The following STK38L variants were observed in gnomAD, a reference collection of about 807,000 sequenced individuals.
The protein encoded by STK38L is serine/threonine-protein kinase 38-like.
A neutral mutation model predicts 59.7 loss-of-function variants in STK38L; 28 were observed. The observed-to-expected ratio is 0.47, with a 90% CI of 0.35 to 0.64. STK38L has a LOEUF of 0.64. Ranked by LOEUF, STK38L falls within the 30% of genes least tolerant of loss-of-function variation. The pLI is 0.01. For synonymous variants in STK38L, 162 were observed against 176.8 expected (o/e 0.92, Z 0.66); for missense variants, 314 against 555.8 (o/e 0.56, Z 4.37).
chr12:27,260,451 A>G (rs1026990198), intron 1 of STK38L, among the ~76,000 whole-genome samples: 10 of 152,220 alleles, frequency 6.6e-5, no homozygotes, highest in Non-Finnish European at 1.5e-4. Context: ...TCTCATGGGC[A>G]TAATTCAGGA....
intron 1 of STK38L, among the ~76,000 whole-genome samples, chr12:27,268,790 G>C (rs1428092495): frequency 6.6e-6 from 1 of 152,098 alleles, no homozygotes; most frequent in Non-Finnish European, 1.5e-5. Context: ...GTTGTTTCCT[G>C]ACTTTTTAAT....
At chr12:27,253,693 G>A (rs1943025731) in intron 1 of STK38L, among the ~76,000 whole-genome samples, 1 of 152,184 alleles carries the variant, frequency 6.6e-6, no homozygotes, top group Non-Finnish European at 1.5e-5. Context: ...TTCCAAGGAT[G>A]TGTGAGTGTT....
chr12:27,266,030 GT>G (rs921078652), intron 1 of STK38L, among the ~76,000 whole-genome samples: 1 of 152,114 alleles, frequency 6.6e-6, no homozygotes, highest in African/African-American at 2.4e-5. Flanking sequence ...ACATTTTCCA[GT>G]TTGACTCCCT....
At chr12:27,319,575 G>T in intron 12 of STK38L, 152 bp downstream of exon 12, 1 of 531,662 alleles carries the variant, frequency 1.9e-6, no homozygotes, top group Non-Finnish European at 3.3e-6. Context: ...AAGTGAGTGG[G>T]ACTATTGTGG....
intron 1 of STK38L, among the ~76,000 whole-genome samples, chr12:27,268,710 G>C (rs1943353896): frequency 6.6e-6 from 1 of 152,240 alleles, no homozygotes; most frequent in East Asian, 1.9e-4. Flanking sequence ...TTCCACAATG[G>C]TTGAACTAGT....
At chr12:27,312,984 C>T (rs944709521) in intron 6 of STK38L, among the ~76,000 whole-genome samples, 30 of 152,084 alleles carry the variant, frequency 2.0e-4, no homozygotes, top group Admixed American at 4.6e-4. Flanking sequence ...CGCAGTGGCT[C>T]ACGCCTGTAA....
chr12:27,266,590 C>A (rs1321805877), intron 1 of STK38L, among the ~76,000 whole-genome samples: 1 of 152,164 alleles, frequency 6.6e-6, no homozygotes, highest in Admixed American at 6.5e-5. Context: ...GAGTGATTAT[C>A]CACTTAGTTC....
At chr12:27,271,151 T>TAG (rs1413722715) in intron 1 of STK38L, among the ~76,000 whole-genome samples, 2 of 152,220 alleles carry the variant, frequency 1.3e-5, no homozygotes, top group African/African-American at 4.8e-5. Context: ...TTTAGTAACT[T>TAG]GTCTAAGATC....
intron 3 of STK38L, among the ~76,000 whole-genome samples, chr12:27,303,086 CTT>C (rs1944218981): frequency 6.6e-6 from 1 of 150,894 alleles, no homozygotes; most frequent in Non-Finnish European, 1.5e-5. Context: ...AGCCTCATCT[CTT>C]GTCACCCGCC....
intron 9 of STK38L, 68 bp downstream of exon 9, chr12:27,315,418 T>C (rs150847970): frequency 7.9e-7 from 1 of 1,260,242 alleles, no homozygotes; most frequent in East Asian, 2.3e-5. Context: ...TTTAACTTGA[T>C]TATTTTTATC....
At chr12:27,300,744 A>G in intron 2 of STK38L, 1 of 387,904 alleles carries the variant, frequency 2.6e-6, no homozygotes, top group Admixed American at 3.0e-5. Flanking sequence ...CACTGAGGAA[A>G]CATGTGTTGG....
rs1346242786 is a variant in STK38L at position 27,302,011 on chromosome 12, C to A, written c.135-126C>A. 14 of 678,356 alleles carry A rather than the reference C, an allele frequency of 2.1e-5. No homozygotes were observed. In the African/African-American group the frequency reaches 2.5e-4, roughly 12 times the overall value. 42.0% of individuals were successfully genotyped at this position (678,356 alleles called of 1,614,324 possible). A position where few individuals can be genotyped will look rare whatever the true frequency, so the allele number is the denominator to read the frequency against. Reference sequence around the variant, plus strand: ...ATTCTTAGTGATTATGTTGATCCAACTTGAAAGTTTTTTTTTTTTTAGCCT... The same window carrying A: ...ATTCTTAGTGATTATGTTGATCCAAATTGAAAGTTTTTTTTTTTTTAGCCT... On this transcript the variant is annotated intron_variant, in intron 2 of 13. Transcript: ENST00000389032.
In STK38L at chr12:27,324,419, A is replaced by T. The variant is rs2136656082; in HGVS notation, c.*1964A>T. 6.6e-6 allele frequency: 1 copy of T among 152,220 alleles called. No individual in the cohort carries two copies. The highest frequency in any genetic ancestry group is 3.4e-3 in the Middle Eastern group (1 of 294). The allele number at this position is 152,220 out of a possible 1,614,324, so 9.4% of individuals were successfully genotyped here. On this transcript the variant is annotated 3_prime_UTR_variant, in exon 14 of 14. Coordinates refer to ENST00000389032, the MANE Select transcript of STK38L (RefSeq NM_015000.4). ...TGATAATGAATAGGTAAGATATGAG[A>T]TAATTGCAACATTGTCTAGTTCTAG...
Position 27,289,357 on chromosome 12 carries a change from A to T in STK38L, c.-11-8353A>T, listed in dbSNP as rs568418481. ...CTTTCCCCTTCTCATTGCAAGTTTT[A>T]AAAAAAAATGAAGTTCAGAGGGATT... On this transcript the variant is annotated intron_variant, in intron 1 of 13. Coordinates refer to ENST00000389032, the MANE Select transcript of STK38L (RefSeq NM_015000.4). Among the ~76,000 whole-genome samples, 573 of 151,648 alleles carry T rather than the reference A, an allele frequency of 3.8e-3. 10 individuals are homozygous for T. Among genetic ancestry groups the T allele is most frequent in the African/African-American group, 0.013 (529 of 41,376 alleles).
chr12:27,288,479 C>A (rs1943826488), intron 1 of STK38L, among the ~76,000 whole-genome samples: 1 of 151,954 alleles, frequency 6.6e-6, no homozygotes, highest in South Asian at 2.1e-4. Context: ...AGGATAGATC[C>A]TTCTGGGTGC....
intron 1 of STK38L, among the ~76,000 whole-genome samples, chr12:27,267,683 G>C (rs1277152402): frequency 6.6e-6 from 1 of 152,162 alleles, no homozygotes; most frequent in Non-Finnish European, 1.5e-5. Context: ...CAAAGCAGTT[G>C]TACTAATCTA....
Position 27,308,427 on chromosome 12 carries a change from C to A in STK38L, c.275C>A (p.Ser92Tyr). 1 of 1,595,980 alleles carries A rather than the reference C, an allele frequency of 6.3e-7. No homozygotes were observed. Among genetic ancestry groups the A allele is most frequent in the South Asian group, 1.1e-5 (1 of 89,278 alleles). Reference protein sequence around the residue: ...RTRLGLDDFESLKVIGRGAFG... With the variant: ...RTRLGLDDFEYLKVIGRGAFG... Reference sequence around the variant, plus strand: ...AGACTTGGCTTGGATGACTTTGAGTCTCTGAAAGTTATAGGAAGAGGAGCT... The same window carrying A: ...AGACTTGGCTTGGATGACTTTGAGTATCTGAAAGTTATAGGAAGAGGAGCT... Residue 92 changes from serine to tyrosine, a missense_variant, in exon 4 of 14, where the codon TCT becomes TAT. Ser to Tyr is a moderately radical substitution (Grantham distance 144, BLOSUM62 -2). This residue lies in a region of STK38L where 192 missense variants were observed against 316.9 expected (regional missense o/e 0.61). Transcript: ENST00000389032. The surrounding 1 kb of genome is among the most constrained non-coding windows in gnomAD (Gnocchi z 4.5).
chr12:27,280,668 C>T (rs1259251092), intron 1 of STK38L, among the ~76,000 whole-genome samples: 2 of 152,204 alleles, frequency 1.3e-5, no homozygotes, highest in African/African-American at 4.8e-5. Flanking sequence ...GGAGATAAGA[C>T]TGGCTGCCAT....
At chr12:27,289,961 A>G (rs148418818) in intron 1 of STK38L, among the ~76,000 whole-genome samples, 3 of 152,316 alleles carry the variant, frequency 2.0e-5, no homozygotes, top group African/African-American at 7.2e-5. Flanking sequence ...GGGAATGTCT[A>G]TTAGAGATTA....
Sources: gnomAD v4.1 joint callset for allele counts (sites outside exome capture counted in the v4.1 genomes callset) on GRCh38, gnomAD v4.1.1 for gene constraint, gnomAD v4.1.1 regional missense constraint, Gnocchi (gnomAD v3.1) non-coding constraint, MANE v1.5 for transcripts, NCBI Gene and HGNC (gene_info 2026-07-23, HGNC 2026-07-21) for gene names.